The following FAM227B variants were observed in gnomAD, a reference collection of about 807,000 sequenced individuals.
FAM227B encodes the protein family with sequence similarity 227 member B, also known as protein FAM227B.
FAM227B carries 88 observed loss-of-function variants against 73.8 expected under a neutral mutation model. The observed-to-expected ratio is 1.19, with a 90% confidence interval of 1.00 to 1.42. The LOEUF (loss-of-function observed/expected upper bound fraction) is 1.42, where lower values mean the gene tolerates loss of function less well. FAM227B is among the 40% of genes most tolerant of loss of function. The probability of loss-of-function intolerance (pLI) is 0.00; values close to 1 mark genes in which losing one functional copy is unlikely to be tolerated. For synonymous variants in FAM227B, 210 were observed against 190.5 expected (o/e 1.10, Z -0.84); for missense variants, 632 against 590.9 (o/e 1.07, Z -0.72).
At position 49,448,850 on chromosome 15, in the gene FAM227B, A is replaced by G. The variant is rs2052466524; in HGVS notation, c.1012+59361T>C. Among the ~76,000 whole-genome samples, 2 of 151,640 alleles carry G rather than the reference A, an allele frequency of 1.3e-5. 1 individual carries two copies. The highest frequency in any genetic ancestry group is 4.2e-4 in the South Asian group (2 of 4,816). On this transcript the variant is annotated intron_variant, in intron 11 of 15. Transcript: ENST00000299338. ...GCTCTCCAAGAATGAACCCTCTACA[A>G]TTTTCTTTAGCAGTCGATTCCAATA...
intron 11 of FAM227B, among the ~76,000 whole-genome samples, chr15:49,392,191 TTCTA>T (rs2047255899): frequency 6.6e-6 from 1 of 152,110 alleles, no homozygotes; most frequent in Non-Finnish European, 1.5e-5. Context: ...GAAATGAAAC[TTCTA>T]GGATGCAAAA....
chr15:49,365,851 A>T, intron 13 of FAM227B: 1 of 896,360 alleles, frequency 1.1e-6, no homozygotes, highest in Admixed American at 1.7e-5. Context: ...GCGACACTCA[A>T]TTGTGCATTG....
chr15:49,357,837 A>G (rs1440752106), intron 13 of FAM227B, among the ~76,000 whole-genome samples: 1 of 152,162 alleles, frequency 6.6e-6, no homozygotes, highest in Non-Finnish European at 1.5e-5. Context: ...AAAAATCCTC[A>G]ATAAAATACT....
chr15:49,561,888 G>C (rs2074291788), intron 9 of FAM227B, among the ~76,000 whole-genome samples: 1 of 152,032 alleles, frequency 6.6e-6, no homozygotes, highest in African/African-American at 2.4e-5. Flanking sequence ...CACCTACATA[G>C]AGAAGTTACA....
At chr15:49,512,992 T>A (rs1470820197) in intron 10 of FAM227B, among the ~76,000 whole-genome samples, 1 of 152,200 alleles carries the variant, frequency 6.6e-6, no homozygotes, top group Non-Finnish European at 1.5e-5. Context: ...ATTTTCTTTA[T>A]CCGGTCTATC....
chr15:49,470,135 G>A (rs974152395), intron 11 of FAM227B, among the ~76,000 whole-genome samples: 7 of 152,080 alleles, frequency 4.6e-5, no homozygotes, highest in East Asian at 1.9e-4. Flanking sequence ...TGATCAAAGC[G>A]TGGAAAATGA....
At chr15:49,422,763 T>C in intron 11 of FAM227B, 1 of 1,336,796 alleles carries the variant, frequency 7.5e-7, no homozygotes, top group Non-Finnish European at 1.0e-6. Context: ...ATTCAATGAA[T>C]TGTCTCTGTA....
At chr15:49,437,729 T>C (rs1453845362) in intron 11 of FAM227B, among the ~76,000 whole-genome samples, 1 of 151,714 alleles carries the variant, frequency 6.6e-6, no homozygotes, top group African/African-American at 2.4e-5. Context: ...ATATATTACG[T>C]ATTATGTACT....
chr15:49,567,151 T>C (rs1430872504), intron 9 of FAM227B, among the ~76,000 whole-genome samples: 1 of 152,140 alleles, frequency 6.6e-6, no homozygotes, highest in Non-Finnish European at 1.5e-5. Flanking sequence ...ACTGAAAGAA[T>C]ATGGGTAGCA....
At chr15:49,532,179 G>A (rs16962600) in intron 10 of FAM227B, among the ~76,000 whole-genome samples, 48,147 of 150,986 alleles carry the variant, frequency 0.32, 8,311 homozygotes, top group African/African-American at 0.43. Context: ...GCACACTGAT[G>A]TTCCTCTCAA....
chr15:49,447,500 C>T (rs374197785), intron 11 of FAM227B, among the ~76,000 whole-genome samples: 3 of 151,702 alleles, frequency 2.0e-5, no homozygotes, highest in African/African-American at 7.2e-5. Flanking sequence ...ATAAGAGATT[C>T]TCAATCTTAA....
chr15:49,536,913 CA>C (rs979381657), intron 10 of FAM227B, among the ~76,000 whole-genome samples: 13 of 151,402 alleles, frequency 8.6e-5, no homozygotes, highest in South Asian at 2.1e-4. Flanking sequence ...AGAAACTCCA[CA>C]AAAAAAATGG....
At chr15:49,366,834 T>C in intron 13 of FAM227B, 1 of 543,106 alleles carries the variant, frequency 1.8e-6, no homozygotes, top group Non-Finnish European at 3.2e-6. Flanking sequence ...CAGCCCACAC[T>C]CTAATTTAGT....
rs2043163183 is a variant in FAM227B, at chr15:49,356,330, A to C, written c.1271+11118T>G. Among the ~76,000 whole-genome samples, 3 of 150,844 alleles carry C rather than the reference A, an allele frequency of 2.0e-5. No individual in the cohort carries two copies. The South Asian group carries it at 6.3e-4, about 32-fold the overall frequency. On this transcript the variant is annotated intron_variant, in intron 13 of 15. Transcript: ENST00000299338. Reference sequence around the variant, plus strand: ...CAAGACCCATCAGTGTGCTGTATTCAGGAAACCCATCTCATGTGCAGAGAC... The same window carrying C: ...CAAGACCCATCAGTGTGCTGTATTCCGGAAACCCATCTCATGTGCAGAGAC...
intron 11 of FAM227B, among the ~76,000 whole-genome samples, chr15:49,397,284 G>A (rs2047752993): frequency 6.6e-6 from 1 of 152,020 alleles, no homozygotes; most frequent in South Asian, 2.1e-4. Context: ...AAGCAAGAAG[G>A]GAAGTTTAGA....
intron 11 of FAM227B, among the ~76,000 whole-genome samples, chr15:49,445,824 G>A (rs1256357518): frequency 1.3e-5 from 2 of 151,418 alleles, no homozygotes; most frequent in East Asian, 3.9e-4. Flanking sequence ...CTTATCACCA[G>A]ATTCCAATTA....
At chr15:49,481,295 T>G (rs2055921601) in intron 11 of FAM227B, among the ~76,000 whole-genome samples, 1 of 152,236 alleles carries the variant, frequency 6.6e-6, no homozygotes, top group African/African-American at 2.4e-5. Flanking sequence ...TTATTCCATT[T>G]TGGAGGTATT....
intron 13 of FAM227B, among the ~76,000 whole-genome samples, chr15:49,358,775 G>A (rs1302832782): frequency 6.6e-5 from 10 of 152,046 alleles, no homozygotes; most frequent in Non-Finnish European, 1.5e-4. Context: ...AGCCTGCATC[G>A]CCAAGTCAAA....
At chr15:49,502,297 C>T (rs2058205226) in intron 11 of FAM227B, among the ~76,000 whole-genome samples, 1 of 152,230 alleles carries the variant, frequency 6.6e-6, no homozygotes, top group Non-Finnish European at 1.5e-5. Flanking sequence ...GAAAAAGCCA[C>T]AGACACTCAA....
Sources: allele counts gnomAD v4.1 joint callset (sites outside exome capture counted in the v4.1 genomes callset), GRCh38; gene constraint gnomAD v4.1.1; transcripts MANE v1.5; gene names NCBI Gene and HGNC (gene_info 2026-07-23, HGNC 2026-07-21).